Variants in FTCDNL1 observed in about 807,000 individuals in gnomAD.
FTCDNL1 encodes formiminotransferase cyclodeaminase N-terminal like.
Under a neutral mutation model 5.9 loss-of-function variants are expected in FTCDNL1, and 11 were observed. That is an observed-to-expected ratio of 1.87 (90% CI 1.18 to 3.10). FTCDNL1 has a LOEUF of 3.10. FTCDNL1 is among the 30% of genes most tolerant of loss of function. FTCDNL1 has a pLI of 0.00. For missense variants in FTCDNL1, 115 were observed against 65.5 expected (o/e 1.76, Z -2.61); for synonymous variants, 58 against 24.8 (o/e 2.34, Z -3.99).
the FTCDNL1 span, among the ~76,000 whole-genome samples, chr2:199,707,380 A>G: frequency 6.6e-6 from 1 of 151,946 alleles, no homozygotes; most frequent in Non-Finnish European, 1.5e-5. Flanking sequence ...AATATTTTCT[A>G]TTACTTCTTG....
intron 3 of FTCDNL1, among the ~76,000 whole-genome samples, chr2:199,788,239 G>C (rs1699756246): frequency 6.6e-6 from 1 of 152,110 alleles, no homozygotes; most frequent in Admixed American, 6.5e-5. Context: ...CTATCTTGTT[G>C]CTCTGCCCTC....
In FTCDNL1 at chr2:199,811,544, G is replaced by A. The variant is rs1479872008; in HGVS notation, c.*1161C>T. On this transcript the variant is annotated 3_prime_UTR_variant, in exon 5 of 5. Transcript: ENST00000420128. ...TAGTGCTTCACCATTACGCTTTGCTGTCCCATAGCTTTGATATGCCCAGTC... is the reference window on the plus strand; with the variant it reads ...TAGTGCTTCACCATTACGCTTTGCTATCCCATAGCTTTGATATGCCCAGTC... Among the ~76,000 whole-genome samples the A allele has an allele frequency of 6.6e-6, 1 of 152,178 alleles. No homozygotes were observed. Among genetic ancestry groups the A allele is most frequent in the East Asian group, 1.9e-4 (1 of 5,200 alleles).
At chr2:199,692,487 C>A in the FTCDNL1 span, among the ~76,000 whole-genome samples, 2 of 152,160 alleles carry the variant, frequency 1.3e-5, no homozygotes, top group African/African-American at 2.4e-5. Context: ...CAAAAGAAGT[C>A]ATTTACAGTG....
intron 3 of FTCDNL1, among the ~76,000 whole-genome samples, chr2:199,794,172 C>T (rs1359649673): frequency 2.0e-5 from 3 of 152,086 alleles, no homozygotes; most frequent in Non-Finnish European, 4.4e-5. Flanking sequence ...TATTTGAGTA[C>T]ACACTGGTGG....
At chr2:199,785,899 T>C (rs1348993676) in intron 3 of FTCDNL1, among the ~76,000 whole-genome samples, 1 of 152,164 alleles carries the variant, frequency 6.6e-6, no homozygotes, top group Non-Finnish European at 1.5e-5. Flanking sequence ...AATTTTTCCA[T>C]GGATGGCAGA....
intron 3 of FTCDNL1, among the ~76,000 whole-genome samples, chr2:199,844,981 C>T (rs1456883535): frequency 6.6e-6 from 1 of 151,974 alleles, no homozygotes; most frequent in Non-Finnish European, 1.5e-5. Context: ...AAACTCCTGG[C>T]ATCAGGCAAT....
the FTCDNL1 span, among the ~76,000 whole-genome samples, chr2:199,727,842 AT>A: frequency 6.6e-6 from 1 of 152,212 alleles, no homozygotes; most frequent in Non-Finnish European, 1.5e-5. Context: ...GGGGTTGAAC[AT>A]ATAAAGGCAA....
the FTCDNL1 span, among the ~76,000 whole-genome samples, chr2:199,683,145 A>C: frequency 5.9e-4 from 90 of 152,322 alleles, 1 homozygote; most frequent in Middle Eastern, 3.4e-3. Context: ...GATATGATGC[A>C]TCATCATCTT....
the FTCDNL1 span, among the ~76,000 whole-genome samples, chr2:199,699,878 T>A: frequency 1.3e-4 from 20 of 152,160 alleles, no homozygotes; most frequent in Non-Finnish European, 8.8e-5. Flanking sequence ...CTCAGCAAAC[T>A]AGGCACTGAA....
At chr2:199,740,069 G>A in the FTCDNL1 span, among the ~76,000 whole-genome samples, 2 of 152,134 alleles carry the variant, frequency 1.3e-5, no homozygotes, top group African/African-American at 2.4e-5. Context: ...CTGTTTAAAG[G>A]GGAAATTAAT....
chr2:199,846,174 T>TAA lies in FTCDNL1; in HGVS notation c.116-6_116-5dup. 1 of 685,610 alleles carries TAA rather than the reference T, an allele frequency of 1.5e-6. No homozygotes were observed. The highest frequency in any genetic ancestry group is 1.6e-5 in the South Asian group (1 of 64,254). 42.5% of individuals were successfully genotyped at this position (685,610 alleles called of 1,614,324 possible). A position where few individuals can be genotyped will look rare whatever the true frequency, so the allele number is the denominator to read the frequency against. On this transcript the variant is annotated splice_region_variant and splice_polypyrimidine_tract_variant and intron_variant, in intron 2 of 4. Transcript: ENST00000420128. ...GAAACTTGAGGATGTTTCTTTCCTGTAAAAAAAACAAGACAGAAGTGCAAG... is the reference window on the plus strand; with the variant it reads ...GAAACTTGAGGATGTTTCTTTCCTGTAAAAAAAAAACAAGACAGAAGTGCAAG...
At chr2:199,707,412 C>T in the FTCDNL1 span, among the ~76,000 whole-genome samples, 1 of 151,870 alleles carries the variant, frequency 6.6e-6, no homozygotes, top group African/African-American at 2.4e-5. Context: ...CAATTTGTGT[C>T]TTTCAAGAAA....
At chr2:199,736,840 T>C in the FTCDNL1 span, among the ~76,000 whole-genome samples, 103 of 152,318 alleles carry the variant, frequency 6.8e-4, no homozygotes, top group Middle Eastern at 3.4e-3. Flanking sequence ...CAATAGTCAA[T>C]TGAACTGGTA....
At chr2:199,778,960 G>A (rs892661754) in intron 3 of FTCDNL1, among the ~76,000 whole-genome samples, 3 of 152,084 alleles carry the variant, frequency 2.0e-5, no homozygotes, top group African/African-American at 7.2e-5. Context: ...GTAATCACAA[G>A]AACTTTTTTG....
At chr2:199,768,730 T>C (rs1698659562) in intron 3 of FTCDNL1, among the ~76,000 whole-genome samples, 1 of 152,208 alleles carries the variant, frequency 6.6e-6, no homozygotes, top group African/African-American at 2.4e-5. Context: ...ATTGGAGGCC[T>C]ACCAGGGTGA....
intron 3 of FTCDNL1, among the ~76,000 whole-genome samples, chr2:199,774,582 C>T (rs1340589018): frequency 6.6e-6 from 1 of 152,124 alleles, no homozygotes; most frequent in Non-Finnish European, 1.5e-5. Flanking sequence ...CATTTACCAG[C>T]TCAGAGAGTT....
At chr2:199,713,009 T>C in the FTCDNL1 span, among the ~76,000 whole-genome samples, 1 of 152,210 alleles carries the variant, frequency 6.6e-6, no homozygotes, top group East Asian at 1.9e-4. Flanking sequence ...ACAGTTTCTA[T>C]AGATTCAAAA....
chr2:199,806,245 G>A (rs147268592), downstream of FTCDNL1, among the ~76,000 whole-genome samples: 8 of 152,152 alleles, frequency 5.3e-5, no homozygotes, highest in African/African-American at 1.4e-4. Context: ...GTGCAGGCTC[G>A]CTTAAAACAA....
chr2:199,703,378 A>G, the FTCDNL1 span, among the ~76,000 whole-genome samples: 61 of 152,330 alleles, frequency 4.0e-4, no homozygotes, highest in Admixed American at 1.2e-3. Flanking sequence ...TAACAAATAC[A>G]TCCAAGATTT....
Sources: allele counts gnomAD v4.1 joint callset (sites outside exome capture counted in the v4.1 genomes callset), GRCh38; gene constraint gnomAD v4.1.1; transcripts MANE v1.5; gene names NCBI Gene and HGNC (gene_info 2026-07-23, HGNC 2026-07-21).